Variants in ABI3BP observed in about 807,000 individuals in gnomAD.
ABI3BP encodes the protein target of Nesh-SH3.
A neutral mutation model predicts 268.6 loss-of-function variants in ABI3BP; 216 were observed. The observed-to-expected ratio is 0.80, with a 90% CI of 0.72 to 0.90. ABI3BP has a LOEUF of 0.90. Ranked by LOEUF, ABI3BP falls within the 40% of genes least tolerant of loss-of-function variation. The pLI, the probability that ABI3BP is intolerant of heterozygous loss-of-function variation, is 0.00. For missense variants in ABI3BP, 2,090 were observed against 2,182.4 expected, an observed-to-expected ratio of 0.96 and a Z score of 0.84; for synonymous variants, 730 against 730.0, an observed-to-expected ratio of 1.00 and a Z score of 0.00.
At chr3:100,918,849 A>C (rs2059431873) in intron 2 of ABI3BP, among the ~76,000 whole-genome samples, 1 of 152,234 alleles carries the variant, frequency 6.6e-6, no homozygotes, top group Non-Finnish European at 1.5e-5. Flanking sequence ...AGTAGAACAC[A>C]GTGGTTCAGA....
intron 1 of ABI3BP, among the ~76,000 whole-genome samples, chr3:100,979,860 AT>A (rs978302814): frequency 6.6e-6 from 1 of 152,232 alleles, no homozygotes; most frequent in Non-Finnish European, 1.5e-5. Context: ...ACCTGAGAAT[AT>A]TTGAAAAGGC....
intron 3 of ABI3BP, among the ~76,000 whole-genome samples, chr3:100,901,369 T>C (rs1281150180): frequency 6.6e-6 from 1 of 152,154 alleles, no homozygotes; most frequent in South Asian, 2.1e-4. Flanking sequence ...CAGAAAAATA[T>C]AGCAAACAAA....
At position 100,876,518 on chromosome 3, in the gene ABI3BP, T is replaced by C. The variant is rs1229761995; in HGVS notation, c.739A>G (p.Lys247Glu). ...PRKLIPITII[K>E]QVIQNVTHKD... is the part of the protein sequence containing the mutation. ...TCCAGAGCAGACAAATTACCTTGCT[T>C]GATGATTGTTATTGGGATTAGTTTC... The change falls in exon 7 of 68, where the codon AAG becomes GAG. Residue 247 changes from lysine (K) to glutamate (E), a missense_variant. Physicochemically the swap from Lys to Glu is moderately conservative, Grantham distance 56. Transcript: ENST00000471714. 6.2e-7 allele frequency: 1 copy of C among 1,613,082 alleles called. No homozygotes were observed. Among genetic ancestry groups the C allele is most frequent in the Non-Finnish European group, 8.5e-7 (1 of 1,179,356 alleles).
intron 35 of ABI3BP, 68 bp from the exon 36 acceptor site, chr3:100,825,009 C>A: frequency 7.5e-7 from 1 of 1,326,030 alleles, no homozygotes; most frequent in South Asian, 1.3e-5. Flanking sequence ...AAGGTTTTTC[C>A]AAAGCTTGTC....
intron 49 of ABI3BP, among the ~76,000 whole-genome samples, chr3:100,809,684 A>C (rs2097799913): frequency 6.6e-6 from 1 of 152,108 alleles, no homozygotes; most frequent in African/African-American, 2.4e-5. Flanking sequence ...AAACAGAGTC[A>C]TATAAAAATA....
At chr3:100,782,898 C>T (rs1382171000) in intron 57 of ABI3BP, among the ~76,000 whole-genome samples, 3 of 152,020 alleles carry the variant, frequency 2.0e-5, no homozygotes, top group African/African-American at 7.2e-5. Flanking sequence ...CAGGATTAAC[C>T]AACACATCTT....
intron 57 of ABI3BP, among the ~76,000 whole-genome samples, 189 bp downstream of exon 57, chr3:100,787,539 T>A (rs1213094633): frequency 3.3e-5 from 5 of 152,126 alleles, no homozygotes; most frequent in Non-Finnish European, 7.4e-5. Flanking sequence ...AGTGAAAAAG[T>A]CTTCACTATT....
At chr3:100,855,577 A>C (rs1199151264) in intron 14 of ABI3BP, among the ~76,000 whole-genome samples, 1 of 152,246 alleles carries the variant, frequency 6.6e-6, no homozygotes, top group Non-Finnish European at 1.5e-5. Context: ...AGTAACAGTG[A>C]GTTTGATGGT....
At chr3:100,781,300 C>A (rs1347669244) in intron 57 of ABI3BP, among the ~76,000 whole-genome samples, 1 of 152,118 alleles carries the variant, frequency 6.6e-6, no homozygotes, top group African/African-American at 2.4e-5. Context: ...AATATGATGA[C>A]ATTTTCACAT....
In ABI3BP at chr3:100,825,809, T is replaced by C; in HGVS notation, c.2638A>G (p.Thr880Ala). ...VTDLEPVTFR[T>A]EIPATTLATK... ...CCTAAGGTTGTTGCAGGGATCTCAG[T>C]TCTAAAAGTAACAGGCTCGAGGTCT... Residue 880 changes from threonine (T) to alanine (A), a missense_variant, in exon 35 of 68, where the codon ACT becomes GCT. Transcript: ENST00000471714. 6.5e-7 allele frequency: 1 copy of C among 1,535,740 alleles called. No individual in the cohort carries two copies. Among genetic ancestry groups the C allele is most frequent in the Non-Finnish European group, 8.7e-7 (1 of 1,146,618 alleles).
chr3:100,835,009 G>C (rs2098553110), intron 28 of ABI3BP, among the ~76,000 whole-genome samples: 1 of 152,134 alleles, frequency 6.6e-6, no homozygotes, highest in African/African-American at 2.4e-5. Flanking sequence ...TTTATTATTA[G>C]TTGCTGGTAT....
At chr3:100,754,006 T>C (rs1484502502) in intron 64 of ABI3BP, among the ~76,000 whole-genome samples, 158 bp from the exon 65 acceptor site, 1 of 152,246 alleles carries the variant, frequency 6.6e-6, no homozygotes, top group African/African-American at 2.4e-5. Context: ...TGCTTTGTTT[T>C]GGAAATTGTT....
At chr3:100,765,482 A>T (rs1172915368) in intron 63 of ABI3BP, among the ~76,000 whole-genome samples, 8 of 152,144 alleles carry the variant, frequency 5.3e-5, no homozygotes. Context: ...TCTCCTTTCC[A>T]GCGTTTTAAT....
At chr3:100,989,410 A>G (rs2092549689) in intron 1 of ABI3BP, among the ~76,000 whole-genome samples, 1 of 152,220 alleles carries the variant, frequency 6.6e-6, no homozygotes, top group Non-Finnish European at 1.5e-5. Flanking sequence ...TGTGATAATA[A>G]TAATGGTAAT....
At chr3:100,888,362 G>T (rs2042934492) in intron 4 of ABI3BP, among the ~76,000 whole-genome samples, 1 of 152,052 alleles carries the variant, frequency 6.6e-6, no homozygotes, top group African/African-American at 2.4e-5. Context: ...AATTTTTATT[G>T]TTATTTTTTC....
rs200019783 is a variant in ABI3BP at position 100,778,335 on chromosome 3, G to A, written c.4282C>T (p.Arg1428Ter). The change falls in exon 59 of 68, where the codon CGA becomes TGA. Residue 1428 changes from arginine (R) to a stop codon, truncating the protein, a stop_gained. Coordinates refer to ENST00000471714, the MANE Select transcript of ABI3BP (RefSeq NM_001375547.2). LOFTEE classifies it high-confidence loss of function. ...TTATTTGGTGGTAAAGGTTTTCTTC[G>A]TGGGTGTGTAGGTCTGGGTGGCAAG... ...PPLPPRPTHP[R>*]RKPLPPNNVT... The A allele has an allele frequency of 5.6e-6, 9 of 1,613,794 alleles. No homozygotes were observed. Among genetic ancestry groups the A allele is most frequent in the African/African-American group, 1.3e-5 (1 of 75,004 alleles).
chr3:100,875,194 T>C (rs1231678458), intron 8 of ABI3BP, among the ~76,000 whole-genome samples: 1 of 152,216 alleles, frequency 6.6e-6, no homozygotes, highest in South Asian at 2.1e-4. Flanking sequence ...TTAAGATGTG[T>C]GGTGAACAAA....
chr3:100,765,349 T>C (rs2096225389), intron 63 of ABI3BP, among the ~76,000 whole-genome samples: 1 of 152,202 alleles, frequency 6.6e-6, no homozygotes, highest in Non-Finnish European at 1.5e-5. Context: ...TTTCATTTTA[T>C]CCATGATAAA....
At chr3:100,871,939 T>G (rs949996402) in intron 9 of ABI3BP, among the ~76,000 whole-genome samples, 2 of 152,172 alleles carry the variant, frequency 1.3e-5, no homozygotes, top group Admixed American at 6.5e-5. Context: ...TGGGTTTCAG[T>G]GAACCTCCTG....
Sources: allele counts gnomAD v4.1 joint callset (sites outside exome capture counted in the v4.1 genomes callset), GRCh38; gene constraint gnomAD v4.1.1; transcripts MANE v1.5; gene names NCBI Gene and HGNC (gene_info 2026-07-23, HGNC 2026-07-21).